The following CTNNBL1 variants were observed in gnomAD, a reference collection of about 807,000 sequenced individuals.
CTNNBL1 encodes the protein catenin beta like 1.
Under a neutral mutation model 72.7 loss-of-function variants are expected in CTNNBL1, and 31 were observed. The ratio of observed to expected loss-of-function variants is 0.43; its 90% CI spans 0.32 to 0.58. The LOEUF (loss-of-function observed/expected upper bound fraction) is 0.58. Among genes scored for constraint, CTNNBL1 ranks in the 20% least tolerant of loss-of-function variants. The probability of loss-of-function intolerance (pLI) is 0.08; values close to 1 mark genes in which losing one functional copy is unlikely to be tolerated. For synonymous variants in CTNNBL1, 240 were observed against 267.3 expected, an observed-to-expected ratio of 0.90 and a Z score of 1.00; for missense variants, 534 against 725.1, an observed-to-expected ratio of 0.74 and a Z score of 3.03.
At chr20:37,802,737 C>T in intron 10 of CTNNBL1, 130 bp from the exon 11 acceptor site, 1 of 701,354 alleles carries the variant, frequency 1.4e-6, no homozygotes, top group Non-Finnish European at 2.3e-6. Context: ...ACGTCTTCTC[C>T]TAATTGTTAA....
chr20:37,835,329 C>G (rs2072244441), intron 11 of CTNNBL1, among the ~76,000 whole-genome samples: 1 of 152,210 alleles, frequency 6.6e-6, no homozygotes, highest in African/African-American at 2.4e-5. Context: ...AAATCTTTTC[C>G]TGTACATTTT....
At chr20:37,855,128 C>G (rs1407775978) in intron 13 of CTNNBL1, among the ~76,000 whole-genome samples, 1 of 151,184 alleles carries the variant, frequency 6.6e-6, no homozygotes, top group Non-Finnish European at 1.5e-5. Context: ...AAAAAAGCCT[C>G]CCCTTACCCC....
chr20:37,861,015 G>A (rs950359794), intron 15 of CTNNBL1, among the ~76,000 whole-genome samples: 8 of 152,208 alleles, frequency 5.3e-5, no homozygotes, highest in African/African-American at 1.4e-4. Context: ...TGGAACATCC[G>A]TCGGGATGCA....
At chr20:37,737,189 A>C (rs1004487231) in intron 2 of CTNNBL1, among the ~76,000 whole-genome samples, 189 bp from the exon 3 acceptor site, 4 of 152,082 alleles carry the variant, frequency 2.6e-5, no homozygotes, top group African/African-American at 9.7e-5. Context: ...ATACCACTGT[A>C]CTCCAGCCTG....
intron 11 of CTNNBL1, among the ~76,000 whole-genome samples, chr20:37,834,132 G>A (rs1318234571): frequency 1.3e-5 from 2 of 152,156 alleles, no homozygotes; most frequent in East Asian, 3.8e-4. Context: ...GCATGCCAGT[G>A]TCATGTGCTG....
At chr20:37,820,659 C>G (rs1280583076) in intron 11 of CTNNBL1, among the ~76,000 whole-genome samples, 1 of 152,098 alleles carries the variant, frequency 6.6e-6, no homozygotes, top group Non-Finnish European at 1.5e-5. Flanking sequence ...GGCGGCTTCC[C>G]CCACGCGCTC....
intron 1 of CTNNBL1, among the ~76,000 whole-genome samples, chr20:37,712,791 G>A (rs932923375): frequency 6.6e-6 from 1 of 152,158 alleles, no homozygotes; most frequent in Admixed American, 6.5e-5. Context: ...AGATATGAAC[G>A]GGCAGAGATA....
chr20:37,808,264 G>A (rs2071977784), intron 11 of CTNNBL1, among the ~76,000 whole-genome samples: 2 of 152,186 alleles, frequency 1.3e-5, no homozygotes, highest in Non-Finnish European at 2.9e-5. Flanking sequence ...GGAAGCATAC[G>A]GCTGCCTTGT....
intron 11 of CTNNBL1, among the ~76,000 whole-genome samples, chr20:37,825,448 G>T (rs1353954550): frequency 6.6e-6 from 1 of 152,274 alleles, no homozygotes; most frequent in East Asian, 1.9e-4. Context: ...ACCGAGGTAG[G>T]TGAATCACTT....
chr20:37,698,430 C>T (rs973346462), intron 1 of CTNNBL1, among the ~76,000 whole-genome samples: 3 of 152,146 alleles, frequency 2.0e-5, no homozygotes, highest in Admixed American at 6.5e-5. Flanking sequence ...CTTTGCTCAG[C>T]GAAATATCCT....
chr20:37,831,130 C>G (rs1275533615), intron 11 of CTNNBL1, among the ~76,000 whole-genome samples: 1 of 152,198 alleles, frequency 6.6e-6, no homozygotes, highest in East Asian at 1.9e-4. Context: ...AGCCATTCAC[C>G]TGCCAGTGTA....
intron 2 of CTNNBL1, among the ~76,000 whole-genome samples, chr20:37,734,785 C>T (rs568267037): frequency 4.6e-5 from 7 of 152,170 alleles, no homozygotes; most frequent in South Asian, 4.1e-4. Context: ...TGGTTTCTGA[C>T]GTTGAGCTAT....
intron 13 of CTNNBL1, among the ~76,000 whole-genome samples, chr20:37,852,828 C>T (rs912715447): frequency 6.6e-6 from 1 of 152,164 alleles, no homozygotes; most frequent in African/African-American, 2.4e-5. Flanking sequence ...TTTGCCTTCC[C>T]TGATCTCGTG....
chr20:37,701,535 G>C (rs188628230), intron 1 of CTNNBL1, among the ~76,000 whole-genome samples: 1 of 152,196 alleles, frequency 6.6e-6, no homozygotes, highest in African/African-American at 2.4e-5. Context: ...GGAACGGTTG[G>C]ATATGGAAAG....
intron 11 of CTNNBL1, among the ~76,000 whole-genome samples, chr20:37,816,961 T>C (rs1191924252): frequency 2.0e-5 from 3 of 152,220 alleles, no homozygotes; most frequent in Non-Finnish European, 4.4e-5. Context: ...ACTGTAGATA[T>C]TGATGATGGC....
At chr20:37,848,195 G>A (rs945837047) in intron 13 of CTNNBL1, among the ~76,000 whole-genome samples, 1 of 144,700 alleles carries the variant, frequency 6.9e-6, no homozygotes, top group African/African-American at 2.6e-5. Context: ...TGTCACCCAG[G>A]CTAGAGTGCA....
rs766514341 is a variant in CTNNBL1, at chr20:37,842,390, G to A, written c.1363G>A (p.Ala455Thr). Residue 455 changes from alanine to threonine, a missense_variant, in exon 13 of 16, where the codon GCG (alanine) becomes ACG (threonine). By Grantham distance (58) the Ala-to-Thr change is moderately conservative (BLOSUM62 0). Transcript: ENST00000361383. ...HFKYLGAMQV[A>T]DKKIEGEKHD... ...TAAATATCTGGGTGCAATGCAGGTG[G>A]CGGACAAGAAGATTGAAGGGGAAAA... 30 of 1,613,904 alleles carry A rather than the reference G, an allele frequency of 1.9e-5. 1 individual carries two copies. The South Asian group carries it at 3.3e-4, about 18-fold the overall frequency.
At chr20:37,739,169 A>T (rs2073193834) in intron 3 of CTNNBL1, among the ~76,000 whole-genome samples, 1 of 152,166 alleles carries the variant, frequency 6.6e-6, no homozygotes, top group Non-Finnish European at 1.5e-5. Flanking sequence ...TACCAGTGGT[A>T]CATGAGTAGA....
chr20:37,803,625 A>G (rs1463995373), intron 11 of CTNNBL1, among the ~76,000 whole-genome samples: 1 of 152,150 alleles, frequency 6.6e-6, no homozygotes, highest in Non-Finnish European at 1.5e-5. Flanking sequence ...CCCTCTCCCC[A>G]GTAAATAGCC....
Sources: allele counts gnomAD v4.1 joint callset (sites outside exome capture counted in the v4.1 genomes callset), GRCh38; gene constraint gnomAD v4.1.1; transcripts MANE v1.5; gene names NCBI Gene and HGNC (gene_info 2026-07-23, HGNC 2026-07-21).